Variants in GOLGB1 observed in about 807,000 individuals in gnomAD.
GOLGB1 encodes golgin B1.
GOLGB1 carries 174 observed loss-of-function variants against 336.9 expected under a neutral mutation model. That is an observed-to-expected ratio of 0.52 (90% CI 0.46 to 0.59). GOLGB1 has a LOEUF of 0.59. GOLGB1 is among the 20% of genes least tolerant of loss of function. The pLI, the probability that GOLGB1 is intolerant of heterozygous loss-of-function variation, is 0.00. For synonymous variants in GOLGB1, 1,208 were observed against 1,289.2 expected (o/e 0.94, Z 1.35); for missense variants, 3,331 against 3,645.3 (o/e 0.91, Z 2.22).
chr3:121,727,474 C>T (rs185937408), intron 4 of GOLGB1, among the ~76,000 whole-genome samples: 530 of 151,192 alleles, frequency 3.5e-3, no homozygotes, highest in Non-Finnish European at 5.2e-3. Context: ...GAAATGGTAC[C>T]GAGTTTCCCA....
At chr3:121,674,556 C>T (rs933025400) in intron 17 of GOLGB1, among the ~76,000 whole-genome samples, 3 of 152,120 alleles carry the variant, frequency 2.0e-5, no homozygotes, top group Non-Finnish European at 4.4e-5. Context: ...ATATGAAGGG[C>T]CAACTATAAA....
chr3:121,664,278 C>A lies in GOLGB1; in HGVS notation c.*202G>T, dbSNP rs1290286554. The A allele has an allele frequency of 8.4e-6, 5 of 596,212 alleles. No homozygotes were observed. The African/African-American group carries it at 9.3e-5, about 11-fold the overall frequency. 36.9% of individuals were successfully genotyped at this position (596,212 alleles called of 1,614,324 possible). A position where few individuals can be genotyped will look rare whatever the true frequency, so the allele number is the denominator to read the frequency against. On this transcript the variant is annotated 3_prime_UTR_variant, in exon 22 of 22. Transcript: ENST00000614479. ...TAAGCAGAAGCGTTCAGGCTCAGGG[C>A]AGTAGAAGAAAGCAGACTCGCCAGT...
Position 121,695,249 on chromosome 3 carries a change from A to T in GOLGB1, c.5274T>A (p.Ser1758Arg). 1 of 1,613,524 alleles carries T rather than the reference A, an allele frequency of 6.2e-7. No individual in the cohort carries two copies. Among genetic ancestry groups the T allele is most frequent in the African/African-American group, 1.3e-5 (1 of 74,944 alleles). ...GATGCTTTAAATCTTGAACCTCTTC[A>T]CTTAGAGAGTCTTTCTCAGACATTA... ...QSLMSEKDSL[S>R]EEVQDLKHQI... The change falls in exon 13 of 22, where the codon AGT becomes AGA. Residue 1758 changes from serine (S) to arginine (R), a missense_variant. Ser to Arg is a moderately radical substitution (Grantham distance 110). Transcript: ENST00000614479.
chr3:121,737,037 TTC>T (rs1195482389), intron 1 of GOLGB1, among the ~76,000 whole-genome samples: 4 of 152,248 alleles, frequency 2.6e-5, no homozygotes. Flanking sequence ...TGCACCTATG[TTC>T]TCTGTTTTGA....
chr3:121,694,764 G>A lies in GOLGB1; in HGVS notation c.5759C>T (p.Ala1920Val), dbSNP rs765551264. ...LSRVTKLKET[A>V]EEEKDDLEER... ...TTCCAAATCATCTTTCTCTTCTTCT[G>A]CTGTCTCCTTTAGTTTGGTAACTCT... The change falls in exon 13 of 22, where the codon GCA (alanine) becomes GTA (valine). Residue 1920 changes from alanine (A) to valine (V), a missense_variant. Transcript: ENST00000614479. 2 of 1,612,606 alleles carry A rather than the reference G, an allele frequency of 1.2e-6. No homozygotes were observed. The highest frequency in any genetic ancestry group is 1.1e-5 in the South Asian group (1 of 91,072).
chr3:121,680,413 T>TAGA (rs1940934916), intron 15 of GOLGB1, among the ~76,000 whole-genome samples: 1 of 152,178 alleles, frequency 6.6e-6, no homozygotes, highest in Non-Finnish European at 1.5e-5. Flanking sequence ...ATGACAAGGA[T>TAGA]TTTACAGCAG....
At chr3:121,666,173 C>T (rs1938585683) in intron 20 of GOLGB1, among the ~76,000 whole-genome samples, 1 of 152,174 alleles carries the variant, frequency 6.6e-6, no homozygotes, top group Non-Finnish European at 1.5e-5. Context: ...TGAGTTCCAC[C>T]TGCTCTTTAG....
At chr3:121,685,750 C>T (rs528172852) in intron 14 of GOLGB1, among the ~76,000 whole-genome samples, 1 of 152,168 alleles carries the variant, frequency 6.6e-6, no homozygotes, top group East Asian at 1.9e-4. Context: ...GGGTTGAAAG[C>T]AAATTGCCTC....
intron 1 of GOLGB1, among the ~76,000 whole-genome samples, chr3:121,736,033 T>G (rs765035184): frequency 8.5e-5 from 13 of 152,118 alleles, no homozygotes; most frequent in Non-Finnish European, 1.8e-4. Flanking sequence ...GCTAGAATAA[T>G]TTGAGTCACA....
In GOLGB1 at chr3:121,690,799, A is replaced by T; in HGVS notation, c.8565T>A (p.Asn2855Lys). Residue 2855 changes from asparagine (N) to lysine (K), a missense_variant, in exon 14 of 22, where the codon AAT becomes AAA. Asn to Lys is a moderately conservative substitution (Grantham distance 94). Coordinates refer to ENST00000614479, the MANE Select transcript of GOLGB1 (RefSeq NM_001366282.2). Reference sequence around the variant, plus strand: ...CTGACTTTCGAAATTTCTCCAGCTCATTCCACAGGTGATCTCTCTCATTCT... The same window carrying T: ...CTGACTTTCGAAATTTCTCCAGCTCTTTCCACAGGTGATCTCTCTCATTCT... The part of the protein sequence containing the change: ...SLQNERDHLW[N>K]ELEKFRKSEE... The T allele has an allele frequency of 6.2e-7, 1 of 1,602,666 alleles. No individual in the cohort carries two copies. The highest frequency in any genetic ancestry group is 8.5e-7 in the Non-Finnish European group (1 of 1,175,270).
intron 15 of GOLGB1, among the ~76,000 whole-genome samples, chr3:121,681,287 T>C (rs2107666778): frequency 6.6e-6 from 1 of 152,236 alleles, no homozygotes; most frequent in South Asian, 2.1e-4. Context: ...GAACACAGAT[T>C]AGTGGTTGCT....
chr3:121,665,241 T>C (rs1938446249), intron 20 of GOLGB1, among the ~76,000 whole-genome samples: 1 of 152,230 alleles, frequency 6.6e-6, no homozygotes, highest in Non-Finnish European at 1.5e-5. Context: ...TATCAGGAAT[T>C]GACTGCCTAC....
In GOLGB1 at chr3:121,695,500, C is replaced by A. The variant is rs772618123; in HGVS notation, c.5023G>T (p.Glu1675Ter). ...ATCTTTTCTTTCATTTCCTCCATTT[C>A]TTGCTCAGCTTCCTGCAACTGCTTT... ...TEKQLQEAEQ[E>*]MEEMKEKMRK... Residue 1675 changes from glutamate (E) to a stop codon, truncating the protein, a stop_gained, in exon 13 of 22, where the codon GAA becomes TAA. Coordinates refer to ENST00000614479, the MANE Select transcript of GOLGB1 (RefSeq NM_001366282.2). LOFTEE classifies it high-confidence loss of function. 3.1e-6 allele frequency: 5 copies of A among 1,613,888 alleles called. No homozygotes were observed. The highest frequency in any genetic ancestry group is 4.2e-6 in the Non-Finnish European group (5 of 1,179,982).
intron 17 of GOLGB1, among the ~76,000 whole-genome samples, chr3:121,674,887 C>A (rs1940130282): frequency 7.1e-6 from 1 of 139,988 alleles, no homozygotes; most frequent in Non-Finnish European, 1.5e-5. Context: ...GGACTGCGGA[C>A]TGCAGTGGCG....
At chr3:121,728,996 T>C (rs1945872079) in intron 4 of GOLGB1, 192 bp downstream of exon 4, 1 of 405,112 alleles carries the variant, frequency 2.5e-6, no homozygotes, top group Non-Finnish European at 4.4e-6. Flanking sequence ...CCATGTTTTC[T>C]GTACATCTTT....
intron 15 of GOLGB1, among the ~76,000 whole-genome samples, chr3:121,679,716 G>C (rs973311689): frequency 2.0e-5 from 3 of 152,186 alleles, no homozygotes; most frequent in Non-Finnish European, 2.9e-5. Context: ...TACTGGAGTA[G>C]TGTCAGAAAA....
chr3:121,674,189 T>C (rs1939999656), intron 17 of GOLGB1, among the ~76,000 whole-genome samples: 1 of 152,154 alleles, frequency 6.6e-6, no homozygotes, highest in African/African-American at 2.4e-5. Flanking sequence ...GGTCATATCA[T>C]CTGCAAAAAA....
intron 17 of GOLGB1, among the ~76,000 whole-genome samples, chr3:121,674,997 G>A (rs1036958087): frequency 1.3e-5 from 2 of 151,296 alleles, no homozygotes; most frequent in Admixed American, 6.6e-5. Context: ...CACCGCGCCC[G>A]GCTAATTTTT....
intron 2 of GOLGB1, 72 bp downstream of exon 2, chr3:121,730,804 T>C (rs2108294340): frequency 1.3e-6 from 2 of 1,487,952 alleles, no homozygotes; most frequent in South Asian, 2.6e-5. Context: ...CACCCTTCTA[T>C]CTTAAATTAT....
Sources: gnomAD v4.1 joint callset for allele counts (sites outside exome capture counted in the v4.1 genomes callset) on GRCh38, gnomAD v4.1.1 for gene constraint, MANE v1.5 for transcripts, NCBI Gene and HGNC (gene_info 2026-07-23, HGNC 2026-07-21) for gene names.